RAPH1: variants seen among roughly 807,000 people sequenced by gnomAD.
RAPH1 encodes Ras association (RalGDS/AF-6) and pleckstrin homology domains 1, also known as ras-associated and pleckstrin homology domains-containing protein 1.
Under a neutral mutation model 88.1 loss-of-function variants are expected in RAPH1, and 18 were observed. The ratio of observed to expected loss-of-function variants is 0.20; its 90% CI spans 0.14 to 0.30. The LOEUF (loss-of-function observed/expected upper bound fraction) is 0.30, where lower values mean the gene tolerates loss of function less well. Ranked by LOEUF, RAPH1 falls within the 10% of genes least tolerant of loss-of-function variation. The probability of loss-of-function intolerance (pLI) is 1.00; values close to 1 mark genes in which losing one functional copy is unlikely to be tolerated. For synonymous variants in RAPH1, 587 were observed against 559.0 expected, an observed-to-expected ratio of 1.05 and a Z score of -0.71; for missense variants, 1,448 against 1,543.2, an observed-to-expected ratio of 0.94 and a Z score of 1.03.
intron 4 of RAPH1, among the ~76,000 whole-genome samples, chr2:203,478,425 A>G (rs1018071807): frequency 3.9e-5 from 6 of 151,972 alleles, no homozygotes; most frequent in African/African-American, 1.5e-4. Flanking sequence ...TTGGTTGTCT[A>G]TATCCTCCCC....
Position 203,439,835 on chromosome 2 carries a change from C to G in RAPH1, c.3355G>C (p.Ala1119Pro). The G allele has an allele frequency of 6.2e-7, 1 of 1,613,648 alleles. No homozygotes were observed. Among genetic ancestry groups the G allele is most frequent in the Non-Finnish European group, 8.5e-7 (1 of 1,179,914 alleles). Reference sequence around the variant, plus strand: ...CGTTTGGGTCGTGTGGGTGGAGGGGCCTTCTTCACTGACATTTTAGACCAT... The same window carrying G: ...CGTTTGGGTCGTGTGGGTGGAGGGGGCTTCTTCACTGACATTTTAGACCAT... ...QQWSKMSVKK[A>P]PPPTRPKRND... is the part of the protein sequence containing the mutation. Residue 1119 changes from alanine to proline, a missense_variant, in exon 14 of 14, where the codon GCC (alanine) becomes CCC (proline). This residue lies in a region of RAPH1 where 935 missense variants were observed against 890.1 expected (regional missense o/e 1.05). Coordinates refer to ENST00000319170, the MANE Select transcript of RAPH1 (RefSeq NM_213589.3).
chr2:203,504,602 G>A (rs188759634), intron 1 of RAPH1, among the ~76,000 whole-genome samples: 149 of 151,836 alleles, frequency 9.8e-4, no homozygotes, highest in Middle Eastern at 3.4e-3. Flanking sequence ...CATTTTCCCT[G>A]GTCTTGGGGA....
chr2:203,463,273 C>A (rs2098525646), intron 4 of RAPH1, among the ~76,000 whole-genome samples: 1 of 151,902 alleles, frequency 6.6e-6, no homozygotes, highest in Admixed American at 6.6e-5. Context: ...AGAAAAAATC[C>A]TCATCATATC....
rs533904491 is a variant in RAPH1, at chr2:203,437,189, C to T, written c.*2248G>A. 6.6e-6 allele frequency: 1 copy of T among 152,252 alleles called. No individual in the cohort carries two copies. Among genetic ancestry groups the T allele is most frequent in the East Asian group, 1.9e-4 (1 of 5,182 alleles). The allele number at this position is 152,252 out of a possible 1,614,324, so 9.4% of individuals were successfully genotyped here. ...AAATCCTGCACTGAAAACATAAAGG[C>T]TGTTGTTTTAGGGCTCAAATCATGG... On this transcript the variant is annotated 3_prime_UTR_variant, in exon 14 of 14. Coordinates refer to ENST00000319170, the MANE Select transcript of RAPH1 (RefSeq NM_213589.3).
Position 203,437,075 on chromosome 2 carries a change from A to G in RAPH1, c.*2362T>C, listed in dbSNP as rs2098499118. 1 of 151,686 alleles carries G rather than the reference A, an allele frequency of 6.6e-6. No individual in the cohort carries two copies. The highest frequency in any genetic ancestry group is 2.4e-5 in the African/African-American group (1 of 40,978). The allele number at this position is 151,686 out of a possible 1,614,324, so 9.4% of individuals were successfully genotyped here. On this transcript the variant is annotated 3_prime_UTR_variant, in exon 14 of 14. Coordinates refer to ENST00000319170, the MANE Select transcript of RAPH1 (RefSeq NM_213589.3). ...CTCTTCCTGGCATCATTAGTGTTCA[A>G]AAGGATGTCTGCTATTCCAGGAAAA... is the stretch of plus-strand genomic sequence containing the variant.
At position 203,437,409 on chromosome 2, in the gene RAPH1, A is replaced by C. The variant is rs1045220930; in HGVS notation, c.*2028T>G. ...CTCAAACTATAAAACTGCAGGCAGA[A>C]GACTATGAGAAATTCATTCATGAAT... On this transcript the variant is annotated 3_prime_UTR_variant, in exon 14 of 14. Transcript: ENST00000319170. The C allele has an allele frequency of 5.3e-5, 8 of 152,218 alleles. No homozygotes were observed. The highest frequency in any genetic ancestry group is 1.2e-4 in the Non-Finnish European group (8 of 68,024). The allele number at this position is 152,218 out of a possible 1,614,324, so 9.4% of individuals were successfully genotyped here.
intron 1 of RAPH1, among the ~76,000 whole-genome samples, chr2:203,516,733 A>G (rs1258291417): frequency 6.6e-6 from 1 of 151,722 alleles, no homozygotes; most frequent in African/African-American, 2.4e-5. Context: ...CTATGTCTCA[A>G]AAAAAGAAAA....
chr2:203,480,818 T>C (rs1038373085), intron 4 of RAPH1, among the ~76,000 whole-genome samples: 3 of 152,200 alleles, frequency 2.0e-5, no homozygotes, highest in African/African-American at 7.2e-5. Flanking sequence ...GCATGATGGT[T>C]AAGAATGGAG....
chr2:203,441,629 C>T (rs1042993435), intron 13 of RAPH1: 2 of 1,345,192 alleles, frequency 1.5e-6, no homozygotes, highest in Non-Finnish European at 1.9e-6. Flanking sequence ...TTGTTTTACC[C>T]CACAGTAAAA....
Position 203,444,861 on chromosome 2 carries a change from C to A in RAPH1, c.1776+7G>T. The A allele has an allele frequency of 5.0e-6, 8 of 1,611,208 alleles. No homozygotes were observed. Among genetic ancestry groups the A allele is most frequent in the Non-Finnish European group, 6.8e-6 (8 of 1,179,128 alleles). On this transcript the variant is annotated splice_region_variant and intron_variant, in intron 13 of 13. Coordinates refer to ENST00000319170, the MANE Select transcript of RAPH1 (RefSeq NM_213589.3). ...ATTTTCAATGTAAATTAAAACGAAG[C>A]TGTTACCTTGCTGGACTCTTCCAAC... is the stretch of plus-strand genomic sequence containing the variant.
At chr2:203,444,634 T>C (rs2098507776) in intron 13 of RAPH1, 1 of 419,086 alleles carries the variant, frequency 2.4e-6, no homozygotes. Flanking sequence ...TTTTTGTTTT[T>C]TTGAGATTTT....
chr2:203,526,593 T>C (rs1056154708), intron 1 of RAPH1, among the ~76,000 whole-genome samples: 1 of 149,870 alleles, frequency 6.7e-6, no homozygotes, highest in African/African-American at 2.5e-5. Context: ...GGTGTGGTGA[T>C]GGGCACCTGT....
At chr2:203,514,551 T>C (rs1241298866) in intron 1 of RAPH1, among the ~76,000 whole-genome samples, 1 of 151,842 alleles carries the variant, frequency 6.6e-6, no homozygotes, top group Non-Finnish European at 1.5e-5. Flanking sequence ...ATCTAAAATT[T>C]GTGGGGTTTT....
intron 1 of RAPH1, among the ~76,000 whole-genome samples, chr2:203,505,129 G>A (rs746343303): frequency 2.0e-4 from 31 of 152,184 alleles, no homozygotes; most frequent in East Asian, 1.2e-3. Context: ...ACACTTCTAC[G>A]TTTTTGGGTA....
Position 203,448,151 on chromosome 2 carries a change from G to A in RAPH1, c.1513-72C>T, listed in dbSNP as rs1262366310. ...GATACAGAAGGATAAGGTGAAATGG[G>A]GGACATATTTCTGTTTACTGATTGA... On this transcript the variant is annotated intron_variant, in intron 11 of 13. Transcript: ENST00000319170. This position sits in a 1 kb window ranked among gnomAD's most constrained non-coding sequence, Gnocchi z 4.1. 3.4e-6 allele frequency: 5 copies of A among 1,456,238 alleles called. No individual in the cohort carries two copies. The highest frequency in any genetic ancestry group is 1.3e-5 in the South Asian group (1 of 78,618). 90.2% of individuals were successfully genotyped at this position (1,456,238 alleles called of 1,614,324 possible).
intron 1 of RAPH1, among the ~76,000 whole-genome samples, chr2:203,526,357 C>T (rs959961149): frequency 6.6e-6 from 1 of 152,182 alleles, no homozygotes; most frequent in Non-Finnish European, 1.5e-5. Flanking sequence ...CTTTCTTCCA[C>T]AAACATTACT....
intron 1 of RAPH1, among the ~76,000 whole-genome samples, chr2:203,521,243 G>A (rs1471059728): frequency 1.3e-5 from 2 of 152,132 alleles, no homozygotes; most frequent in East Asian, 1.9e-4. Context: ...TAGTACAGAC[G>A]GGGTTTCACC....
chr2:203,449,790 C>T (rs971821777), intron 10 of RAPH1, among the ~76,000 whole-genome samples: 1 of 151,908 alleles, frequency 6.6e-6, no homozygotes, highest in East Asian at 1.9e-4. Flanking sequence ...TTTGGGAGGC[C>T]GAGGCGGGTG....
rs2098503006 is a variant in RAPH1 at position 203,440,812 on chromosome 2, G to A, written c.2378C>T (p.Thr793Ile). The A allele has an allele frequency of 6.3e-7, 1 of 1,592,236 alleles. No individual in the cohort carries two copies. The highest frequency in any genetic ancestry group is 8.6e-7 in the Non-Finnish European group (1 of 1,169,334). Residue 793 changes from threonine (T) to isoleucine (I), a missense_variant, in exon 14 of 14, where the codon ACT becomes ATT. Coordinates refer to ENST00000319170, the MANE Select transcript of RAPH1 (RefSeq NM_213589.3). ...AGCTTGAGTCACAACAGGTGCCACA[G>A]TCTTGGTGCTGGTTGGTGCGGGGAT... ...VTIPAPTSTK[T>I]VAPVVTQAAP...
Sources: gnomAD v4.1 joint callset for allele counts (sites outside exome capture counted in the v4.1 genomes callset) on GRCh38, gnomAD v4.1.1 for gene constraint, gnomAD v4.1.1 regional missense constraint, Gnocchi (gnomAD v3.1) non-coding constraint, MANE v1.5 for transcripts, NCBI Gene and HGNC (gene_info 2026-07-23, HGNC 2026-07-21) for gene names.